The following MAMDC2 variants were observed in gnomAD, a reference collection of about 807,000 sequenced individuals.
MAMDC2 encodes MAM domain-containing protein 2.
Under a neutral mutation model 89.8 loss-of-function variants are expected in MAMDC2, and 57 were observed. The observed-to-expected ratio is 0.63, with a 90% CI of 0.51 to 0.79. MAMDC2 has a LOEUF of 0.79. Among genes scored for constraint, MAMDC2 ranks in the 30% least tolerant of loss-of-function variants. MAMDC2 has a pLI of 0.00. For missense variants in MAMDC2, 800 were observed against 820.6 expected (o/e 0.97, Z 0.31); for synonymous variants, 313 against 293.4 (o/e 1.07, Z -0.68).
chr9:70,223,353 T>C (rs532563416), intron 12 of MAMDC2, among the ~76,000 whole-genome samples: 24 of 152,296 alleles, frequency 1.6e-4, no homozygotes, highest in African/African-American at 5.3e-4. Context: ...TATCTAATTA[T>C]TAACCAAAAT....
intron 11 of MAMDC2, among the ~76,000 whole-genome samples, chr9:70,207,598 G>A (rs528455985): frequency 2.0e-5 from 3 of 152,074 alleles, no homozygotes; most frequent in Non-Finnish European, 4.4e-5. Context: ...TCACTCTGAT[G>A]GTAGTTTCTT....
intron 11 of MAMDC2, among the ~76,000 whole-genome samples, chr9:70,182,640 C>T (rs2032669037): frequency 6.6e-6 from 1 of 152,136 alleles, no homozygotes; most frequent in Non-Finnish European, 1.5e-5. Context: ...AGTTTATTTT[C>T]ATAGAGGTGT....
At chr9:70,101,404 T>G (rs1209715036) in intron 2 of MAMDC2, among the ~76,000 whole-genome samples, 1 of 152,218 alleles carries the variant, frequency 6.6e-6, no homozygotes, top group Non-Finnish European at 1.5e-5. Context: ...ATACAGTGTT[T>G]GTAAGTCTAC....
At chr9:70,102,354 G>T (rs993071358) in intron 2 of MAMDC2, among the ~76,000 whole-genome samples, 1 of 152,080 alleles carries the variant, frequency 6.6e-6, no homozygotes, top group African/African-American at 2.4e-5. Flanking sequence ...CGGGGCATTC[G>T]GCATTCATTA....
At chr9:70,221,128 T>C (rs1046536120) in intron 12 of MAMDC2, among the ~76,000 whole-genome samples, 7 of 151,518 alleles carry the variant, frequency 4.6e-5, no homozygotes, top group Admixed American at 4.6e-4. Flanking sequence ...CTGAAGATAC[T>C]GCAATGAATG....
intron 8 of MAMDC2, among the ~76,000 whole-genome samples, chr9:70,141,222 A>C (rs114954833): frequency 1.3e-5 from 2 of 152,156 alleles, no homozygotes; most frequent in South Asian, 4.1e-4. Flanking sequence ...TACCAAATCT[A>C]TTCTGACCTT....
chr9:70,108,616 C>T (rs1340305675), intron 3 of MAMDC2, 134 bp downstream of exon 3: 2 of 682,260 alleles, frequency 2.9e-6, no homozygotes, highest in Non-Finnish European at 4.4e-6. Flanking sequence ...AGATACATAC[C>T]ATAGAAGAAT....
chr9:70,119,808 G>C (rs909507157), intron 5 of MAMDC2, among the ~76,000 whole-genome samples: 7 of 152,174 alleles, frequency 4.6e-5, no homozygotes, highest in African/African-American at 1.7e-4. Flanking sequence ...CAATGGGCAG[G>C]GTGGGGATGG....
intron 11 of MAMDC2, among the ~76,000 whole-genome samples, chr9:70,189,926 T>C (rs2032843126): frequency 6.6e-6 from 1 of 152,172 alleles, no homozygotes; most frequent in Admixed American, 6.5e-5. Flanking sequence ...CTGTAATTCG[T>C]ACATGGTTCT....
intron 11 of MAMDC2, among the ~76,000 whole-genome samples, chr9:70,192,854 G>A (rs562439469): frequency 2.0e-5 from 3 of 152,064 alleles, no homozygotes; most frequent in African/African-American, 7.2e-5. Context: ...GTTGGTTGAA[G>A]GTCAGTGAAT....
chr9:70,119,301 CA>C (rs1394300055), intron 5 of MAMDC2, among the ~76,000 whole-genome samples: 1 of 152,012 alleles, frequency 6.6e-6, no homozygotes, highest in Admixed American at 6.6e-5. Context: ...GACAAGGTTT[CA>C]AAATCTAAAA....
At chr9:70,056,119 T>A (rs976570006) in intron 2 of MAMDC2, among the ~76,000 whole-genome samples, 1 of 152,226 alleles carries the variant, frequency 6.6e-6, no homozygotes, top group Non-Finnish European at 1.5e-5. Context: ...AGGATGACTT[T>A]AATATGCTTT....
At chr9:70,171,477 T>A (rs2118536030) in intron 11 of MAMDC2, among the ~76,000 whole-genome samples, 1 of 152,212 alleles carries the variant, frequency 6.6e-6, no homozygotes, top group South Asian at 2.1e-4. Flanking sequence ...CCAGCTTGGG[T>A]GACAGAGCAA....
chr9:70,156,027 T>G (rs907131900), intron 9 of MAMDC2, among the ~76,000 whole-genome samples: 2 of 152,186 alleles, frequency 1.3e-5, no homozygotes, highest in Non-Finnish European at 2.9e-5. Context: ...CACCTTTCTG[T>G]GAAACAAGGA....
At chr9:70,145,223 G>C (rs1308659834) in intron 9 of MAMDC2, among the ~76,000 whole-genome samples, 1 of 152,182 alleles carries the variant, frequency 6.6e-6, no homozygotes, top group Non-Finnish European at 1.5e-5. Context: ...ATCAGTCTTT[G>C]ATCACCTAAC....
At position 70,044,689 on chromosome 9, in the gene MAMDC2, A is replaced by T; in HGVS notation, c.140A>T (p.Asn47Ile). 1.3e-6 allele frequency: 2 copies of T among 1,551,392 alleles called. No homozygotes were observed. Among genetic ancestry groups the T allele is most frequent in the Non-Finnish European group, 1.7e-6 (2 of 1,146,742 alleles). The change falls in exon 2 of 14, where the codon AAT becomes ATT. Residue 47 changes from asparagine (N) to isoleucine (I), a missense_variant. By Grantham distance (149) the Asn-to-Ile change is moderately radical (BLOSUM62 -3). Transcript: ENST00000377182. ...TTGGCCTCTCTGCCGTGGATTTTAA[A>T]TGAGGAAGGTAAGGAGGCTCGGTGG... is the stretch of plus-strand genomic sequence containing the variant. ...SVLASLPWILNEEGHYIYVDT... is the reference protein window; with the variant it reads ...SVLASLPWILIEEGHYIYVDT...
intron 2 of MAMDC2, 122 bp from the exon 3 acceptor site, chr9:70,108,089 A>G (rs1828388956): frequency 1.0e-6 from 1 of 978,848 alleles, no homozygotes; most frequent in Non-Finnish European, 1.5e-6. Flanking sequence ...GGCAACTTTC[A>G]GTGGGTTGAC....
At chr9:70,192,138 AC>A (rs2032892787) in intron 11 of MAMDC2, among the ~76,000 whole-genome samples, 1 of 152,028 alleles carries the variant, frequency 6.6e-6, no homozygotes, top group Admixed American at 6.6e-5. Flanking sequence ...CATTTCACTG[AC>A]CTTCCATTTT....
chr9:70,159,014 T>C (rs1351242361), intron 9 of MAMDC2, among the ~76,000 whole-genome samples: 1 of 151,276 alleles, frequency 6.6e-6, no homozygotes, highest in East Asian at 1.9e-4. Flanking sequence ...ACTGTATATG[T>C]ATATATATAA....
Sources: allele counts gnomAD v4.1 joint callset (sites outside exome capture counted in the v4.1 genomes callset), GRCh38; gene constraint gnomAD v4.1.1; transcripts MANE v1.5; gene names NCBI Gene and HGNC (gene_info 2026-07-23, HGNC 2026-07-21).